NKAIN3: variants seen among roughly 807,000 people sequenced by gnomAD.
NKAIN3 encodes sodium/potassium-transporting ATPase subunit beta-1-interacting protein 3.
In NKAIN3, 25 loss-of-function variants were observed where a neutral mutation model predicts 30.2. That is an observed-to-expected ratio of 0.83 (90% CI 0.60 to 1.16). The LOEUF is 1.16. Ranked by LOEUF, NKAIN3 falls within the 50% of genes most tolerant of loss-of-function variation. The probability of loss-of-function intolerance (pLI) is 0.00; values close to 1 mark genes in which losing one functional copy is unlikely to be tolerated. For missense variants in NKAIN3, 225 were observed against 254.1 expected (o/e 0.89, Z 0.78); for synonymous variants, 91 against 89.6 (o/e 1.02, Z -0.09).
intron 1 of NKAIN3, among the ~76,000 whole-genome samples, chr8:62,279,627 G>T (rs1302125685): frequency 6.6e-6 from 1 of 152,152 alleles, no homozygotes; most frequent in African/African-American, 2.4e-5. Flanking sequence ...TTATTAAATA[G>T]GGAATCCTTT....
intron 4 of NKAIN3, among the ~76,000 whole-genome samples, chr8:62,851,332 C>T (rs1006165196): frequency 6.6e-6 from 1 of 152,122 alleles, no homozygotes; most frequent in Admixed American, 6.6e-5. Context: ...GCTGAAGTTG[C>T]CTATCAGCTT....
At position 62,275,053 on chromosome 8, in the gene NKAIN3, C is replaced by T. The variant is rs530259665; in HGVS notation, c.54+25926C>T. On this transcript the variant is annotated intron_variant, in intron 1 of 6. Transcript: ENST00000623646. ...CTATTGTGAATAGTGCCGCAATAAA[C>T]ATACGTGTGCATGTGTTTTTATAGC... 2.6e-5 allele frequency among the ~76,000 whole-genome samples: 4 copies of T among 152,236 alleles called. No individual in the cohort carries two copies. In the East Asian group the frequency reaches 5.8e-4, roughly 22 times the overall value.
intron 1 of NKAIN3, among the ~76,000 whole-genome samples, chr8:62,387,122 T>A (rs1817453517): frequency 6.6e-6 from 1 of 151,958 alleles, no homozygotes; most frequent in Admixed American, 6.6e-5. Context: ...ATTGAATGAG[T>A]GTCATACAAC....
intron 1 of NKAIN3, among the ~76,000 whole-genome samples, chr8:62,399,514 AAGAG>A (rs369784532): frequency 2.0e-5 from 3 of 151,756 alleles, no homozygotes; most frequent in South Asian, 4.2e-4. Context: ...CAAAAGAAAA[AAGAG>A]AGAGAGAGAG....
intron 4 of NKAIN3, among the ~76,000 whole-genome samples, chr8:62,830,480 C>T (rs1216140418): frequency 6.6e-6 from 1 of 152,168 alleles, no homozygotes; most frequent in Admixed American, 6.5e-5. Flanking sequence ...TTAATATAGA[C>T]TCCTGCACAT....
intron 4 of NKAIN3, among the ~76,000 whole-genome samples, chr8:62,791,497 A>G (rs1817700126): frequency 6.6e-6 from 1 of 152,128 alleles, no homozygotes; most frequent in Non-Finnish European, 1.5e-5. Context: ...TGAGAATCAT[A>G]ATCCTCAATA....
intron 1 of NKAIN3, among the ~76,000 whole-genome samples, chr8:62,376,429 A>G (rs946552431): frequency 3.9e-5 from 6 of 152,186 alleles, no homozygotes; most frequent in Non-Finnish European, 8.8e-5. Context: ...CCAGCTTATC[A>G]TCTAAATGCT....
intron 4 of NKAIN3, among the ~76,000 whole-genome samples, chr8:62,889,021 T>C (rs1821225195): frequency 6.6e-6 from 1 of 152,134 alleles, no homozygotes; most frequent in Non-Finnish European, 1.5e-5. Flanking sequence ...ATGGACTAGA[T>C]GCAAAGTTAC....
At chr8:62,823,742 C>G (rs1818929058) in intron 4 of NKAIN3, among the ~76,000 whole-genome samples, 1 of 152,000 alleles carries the variant, frequency 6.6e-6, no homozygotes, top group African/African-American at 2.4e-5. Flanking sequence ...AATTTTCTGA[C>G]AGATGACTAA....
chr8:62,514,925 A>T lies in NKAIN3; in HGVS notation c.55-64614A>T, dbSNP rs187202666. Among the ~76,000 whole-genome samples, 519 of 152,196 alleles carry T rather than the reference A, an allele frequency of 3.4e-3. 2 individuals are homozygous for T. The highest frequency in any genetic ancestry group is 0.031 in the Middle Eastern group (9 of 294). Reference sequence around the variant, plus strand: ...CAGCTTTCAGGTCCTTCCACCCCAAAAGTATCTATAATGATATATGAGTGA... The same window carrying T: ...CAGCTTTCAGGTCCTTCCACCCCAATAGTATCTATAATGATATATGAGTGA... On this transcript the variant is annotated intron_variant, in intron 1 of 6. Transcript: ENST00000623646.
intron 1 of NKAIN3, among the ~76,000 whole-genome samples, chr8:62,436,914 AAG>A (rs1265548282): frequency 6.6e-6 from 1 of 152,140 alleles, no homozygotes; most frequent in African/African-American, 2.4e-5. Flanking sequence ...ACACACCAAA[AAG>A]AGGGTGGCAT....
intron 1 of NKAIN3, among the ~76,000 whole-genome samples, chr8:62,455,022 T>G (rs1449074517): frequency 2.0e-5 from 3 of 152,198 alleles, no homozygotes; most frequent in African/African-American, 7.2e-5. Flanking sequence ...AGATGCACCA[T>G]TGGCTAATTC....
chr8:62,285,816 T>G (rs1430816040), intron 1 of NKAIN3, among the ~76,000 whole-genome samples: 1 of 152,164 alleles, frequency 6.6e-6, no homozygotes, highest in Admixed American at 6.6e-5. Context: ...TTTCTTCACT[T>G]AAGATTTTAC....
Position 62,550,374 on chromosome 8 carries a change from T to C in NKAIN3, c.55-29165T>C, listed in dbSNP as rs1208555213. 2.0e-5 allele frequency among the ~76,000 whole-genome samples: 3 copies of C among 152,344 alleles called. No homozygotes were observed. The East Asian group carries it at 5.8e-4, about 29-fold the overall frequency. On this transcript the variant is annotated intron_variant, in intron 1 of 6. Transcript: ENST00000623646. ...ACCCTTACTAGATTTTAAGTTCTTT[T>C]AGGAACGTAATGATTTCTATGGGAT...
At chr8:62,930,336 C>A (rs1822580728) in intron 5 of NKAIN3, among the ~76,000 whole-genome samples, 1 of 152,128 alleles carries the variant, frequency 6.6e-6, no homozygotes, top group Non-Finnish European at 1.5e-5. Context: ...TCACTGCAAC[C>A]TCCGCCTCTC....
chr8:62,735,551 A>G (rs1264680478), intron 3 of NKAIN3, among the ~76,000 whole-genome samples: 1 of 152,020 alleles, frequency 6.6e-6, no homozygotes, highest in African/African-American at 2.4e-5. Context: ...CATATCCTGT[A>G]ACATTTTTTA....
At chr8:62,522,524 C>T (rs575227630) in intron 1 of NKAIN3, among the ~76,000 whole-genome samples, 5 of 152,050 alleles carry the variant, frequency 3.3e-5, no homozygotes, top group African/African-American at 1.2e-4. Context: ...GTACCCAGAA[C>T]AAGGCCTTGT....
In NKAIN3 at chr8:62,579,616, A is replaced by G. The variant is rs148163736; in HGVS notation, c.132A>G (p.Ile44Met). 6.1e-4 allele frequency: 988 copies of G among 1,609,330 alleles called. 3 individuals carry two copies. In the African/African-American group the frequency reaches 0.012, roughly 19 times the overall value. Reference protein sequence around the residue: ...WAPILGNFLHIIVVILGLFGT... With the variant: ...WAPILGNFLHMIVVILGLFGT... ...CTATTCTTGGAAATTTTCTACACATAATAGTTGTCATATTGGGTTTGTTTG... is the reference window on the plus strand; with the variant it reads ...CTATTCTTGGAAATTTTCTACACATGATAGTTGTCATATTGGGTTTGTTTG... Residue 44 changes from isoleucine (I) to methionine (M), a missense_variant, in exon 2 of 7, where the codon ATA becomes ATG. Ile to Met is a conservative substitution (Grantham distance 10, BLOSUM62 1). Coordinates refer to ENST00000623646, the MANE Select transcript of NKAIN3 (RefSeq NM_001304533.3).
intron 1 of NKAIN3, among the ~76,000 whole-genome samples, chr8:62,402,411 A>G (rs1182664345): frequency 1.3e-5 from 2 of 152,158 alleles, no homozygotes; most frequent in Non-Finnish European, 1.5e-5. Flanking sequence ...GGTGTTTGAT[A>G]TGGTTTGGCT....
Sources: allele counts gnomAD v4.1 joint callset (sites outside exome capture counted in the v4.1 genomes callset), GRCh38; gene constraint gnomAD v4.1.1; transcripts MANE v1.5; gene names NCBI Gene and HGNC (gene_info 2026-07-23, HGNC 2026-07-21).